The following TRERF1 variants were observed in gnomAD, a reference collection of about 807,000 sequenced individuals.
TRERF1 encodes transcriptional regulating factor 1, also known as transcriptional-regulating factor 1.
TRERF1 carries 27 observed loss-of-function variants against 122.9 expected under a neutral mutation model. The ratio of observed to expected loss-of-function variants is 0.22; its 90% confidence interval spans 0.16 to 0.30. The LOEUF (loss-of-function observed/expected upper bound fraction) is 0.30. Ranked by LOEUF, TRERF1 falls within the 10% of genes least tolerant of loss-of-function variation. The pLI is 1.00. For synonymous variants in TRERF1, 636 were observed against 641.7 expected (o/e 0.99, Z 0.13); for missense variants, 1,248 against 1,560.3 (o/e 0.80, Z 3.37).
At chr6:42,294,327 C>T (rs966626016) in intron 4 of TRERF1, among the ~76,000 whole-genome samples, 17 of 151,484 alleles carry the variant, frequency 1.1e-4, no homozygotes, top group African/African-American at 2.4e-4. Flanking sequence ...TACAGGCGTG[C>T]GCCACCACGC....
intron 2 of TRERF1, among the ~76,000 whole-genome samples, chr6:42,433,448 C>T (rs1784791664): frequency 6.6e-6 from 1 of 151,904 alleles, no homozygotes; most frequent in Non-Finnish European, 1.5e-5. Flanking sequence ...AAAACACTAG[C>T]ACATTAAGCA....
Position 42,276,407 on chromosome 6 carries a change from T to C in TRERF1, c.-258-6559A>G, listed in dbSNP as rs1275383602. ...CCCGGGCAGTCAGTTAGAGACTGTA[T>C]ACACAATTCTCCAAATGCCTTGGCT... On this transcript the variant is annotated intron_variant, in intron 4 of 17. Transcript: ENST00000372922. This position sits in a 1 kb window ranked among gnomAD's most constrained non-coding sequence, Gnocchi z 4.3. Among the ~76,000 whole-genome samples the C allele has an allele frequency of 2.6e-5, 4 of 152,226 alleles. No homozygotes were observed. Among genetic ancestry groups the C allele is most frequent in the Admixed American group, 2.0e-4 (3 of 15,280 alleles).
rs1561800580 is a variant in TRERF1 at position 42,238,863 on chromosome 6, AC to A, written c.2860-2453del. ...CACACACACACACACACACACACAC[AC>A]ACACACAATTTCTAGTTCTCATAAC... On this transcript the variant is annotated intron_variant, in intron 15 of 17. Transcript: ENST00000372922. 3.7e-3 allele frequency among the ~76,000 whole-genome samples: 550 copies of A among 150,480 alleles called. 3 individuals are homozygous for A. Among genetic ancestry groups the A allele is most frequent in the African/African-American group, 0.012 (486 of 40,568 alleles).
At chr6:42,441,740 G>A (rs1786555478) in intron 2 of TRERF1, among the ~76,000 whole-genome samples, 1 of 152,090 alleles carries the variant, frequency 6.6e-6, no homozygotes, top group African/African-American at 2.4e-5. Context: ...GTCAGGCTCT[G>A]TGCTAGAGGC....
At chr6:42,389,713 G>C (rs984284514) in intron 2 of TRERF1, among the ~76,000 whole-genome samples, 2 of 152,200 alleles carry the variant, frequency 1.3e-5, no homozygotes, top group African/African-American at 4.8e-5. Context: ...TTCAGGTGAA[G>C]CCCACACAAA....
At chr6:42,397,010 T>C (rs530265659) in intron 2 of TRERF1, among the ~76,000 whole-genome samples, 1 of 152,300 alleles carries the variant, frequency 6.6e-6, no homozygotes, top group African/African-American at 2.4e-5. Flanking sequence ...CATCTGGTTT[T>C]CAAACTTTTT....
At chr6:42,296,429 G>A (rs916927127) in intron 4 of TRERF1, among the ~76,000 whole-genome samples, 1 of 152,148 alleles carries the variant, frequency 6.6e-6, no homozygotes. Flanking sequence ...ATAGTTATAT[G>A]AACCACCACT....
At chr6:42,287,292 T>TAAAAAA (rs1187993828) in intron 4 of TRERF1, among the ~76,000 whole-genome samples, 23 of 124,448 alleles carry the variant, frequency 1.8e-4, no homozygotes, top group South Asian at 1.8e-3. Flanking sequence ...TAAAGTATAA[T>TAAAAAA]AAAAAAAAAA....
In TRERF1 at chr6:42,269,196, G is replaced by T; in HGVS notation, c.395C>A (p.Thr132Asn). 1 of 1,614,222 alleles carries T rather than the reference G, an allele frequency of 6.2e-7. No individual in the cohort carries two copies. The highest frequency in any genetic ancestry group is 8.5e-7 in the Non-Finnish European group (1 of 1,180,040). Residue 132 changes from threonine (T) to asparagine (N), a missense_variant, in exon 5 of 18, where the codon ACC (threonine) becomes AAC (asparagine). By Grantham distance (65) the Thr-to-Asn change is moderately conservative (BLOSUM62 0). Coordinates refer to ENST00000372922, the Ensembl canonical transcript of TRERF1. This position sits in a 1 kb window ranked among gnomAD's most constrained non-coding sequence, Gnocchi z 4.9. Reference sequence around the variant, plus strand: ...TAAGACACCGCTGGTAAGCTTCTGGGTCCGGATCTCGCTGGCCTGGGAGTA... The same window carrying T: ...TAAGACACCGCTGGTAAGCTTCTGGTTCCGGATCTCGCTGGCCTGGGAGTA...
chr6:42,291,191 A>T (rs542678863), intron 4 of TRERF1, among the ~76,000 whole-genome samples: 24 of 152,300 alleles, frequency 1.6e-4, no homozygotes, highest in African/African-American at 5.5e-4. Context: ...ATTGGTGATG[A>T]AGGGCTAAGC....
At chr6:42,312,249 C>T (rs146000709) in intron 3 of TRERF1, among the ~76,000 whole-genome samples, 105 of 152,290 alleles carry the variant, frequency 6.9e-4, no homozygotes, top group African/African-American at 2.4e-3. Flanking sequence ...TGGAACCTTC[C>T]TATCATACTC....
intron 2 of TRERF1, among the ~76,000 whole-genome samples, chr6:42,408,264 T>C: frequency 1.7e-5 from 2 of 118,964 alleles, no homozygotes; most frequent in Non-Finnish European, 3.5e-5. Context: ...CACATGTGTG[T>C]GTATGTATAT....
intron 3 of TRERF1, among the ~76,000 whole-genome samples, chr6:42,341,151 A>G (rs958144055): frequency 2.0e-5 from 3 of 152,252 alleles, no homozygotes; most frequent in Admixed American, 6.5e-5. Context: ...GAGGACTGAC[A>G]GACAGAAAGC....
intron 3 of TRERF1, among the ~76,000 whole-genome samples, chr6:42,306,391 C>T (rs143210204): frequency 1.7e-4 from 26 of 152,236 alleles, no homozygotes; most frequent in African/African-American, 6.0e-4. Context: ...GGGATCCTGC[C>T]CAGACCATGA....
Position 42,259,903 on chromosome 6 carries a change from T to C in TRERF1, c.1885-180A>G, listed in dbSNP as rs536351957. Among the ~76,000 whole-genome samples the C allele has an allele frequency of 6.6e-6, 1 of 151,874 alleles. No homozygotes were observed. The highest frequency in any genetic ancestry group is 2.4e-5 in the African/African-American group (1 of 41,426). ...TTTAGGCAAAGCGAGTTCTGGTTGCTAGACTAGGGAGAAAACTAAGGTTTT... is the reference window on the plus strand; with the variant it reads ...TTTAGGCAAAGCGAGTTCTGGTTGCCAGACTAGGGAGAAAACTAAGGTTTT... On this transcript the variant is annotated intron_variant, in intron 8 of 17. Coordinates refer to ENST00000372922, the Ensembl canonical transcript of TRERF1. This position sits in a 1 kb window ranked among gnomAD's most constrained non-coding sequence, Gnocchi z 4.9.
At chr6:42,235,086 T>C (rs1771792275) in intron 16 of TRERF1, among the ~76,000 whole-genome samples, 1 of 151,702 alleles carries the variant, frequency 6.6e-6, no homozygotes, top group Non-Finnish European at 1.5e-5. Context: ...TCTTTTTTGT[T>C]TTTTTTTTAA....
intron 4 of TRERF1, among the ~76,000 whole-genome samples, chr6:42,273,254 T>C (rs757742952): frequency 6.6e-6 from 1 of 152,108 alleles, no homozygotes; most frequent in Non-Finnish European, 1.5e-5. Context: ...AATGGATCTT[T>C]CTCTATTAGA....
chr6:42,238,474 T>C (rs1014616613), intron 15 of TRERF1, among the ~76,000 whole-genome samples: 2 of 152,074 alleles, frequency 1.3e-5, no homozygotes, highest in African/African-American at 4.8e-5. Flanking sequence ...GATACAAAAA[T>C]ACAAGAACAA....
At chr6:42,229,614 C>T (rs910987738) in intron 17 of TRERF1, among the ~76,000 whole-genome samples, 1 of 152,116 alleles carries the variant, frequency 6.6e-6, no homozygotes, top group African/African-American at 2.4e-5. Context: ...TTGTACTTGA[C>T]TTCTGAGCTA....
Sources: allele counts gnomAD v4.1 joint callset (sites outside exome capture counted in the v4.1 genomes callset), GRCh38; gene constraint gnomAD v4.1.1; non-coding constraint Gnocchi (gnomAD v3.1); transcripts MANE v1.5; gene names NCBI Gene and HGNC (gene_info 2026-07-23, HGNC 2026-07-21).